Variants in PUDP observed in about 807,000 individuals in gnomAD.
PUDP encodes the protein pseudouridine 5'-phosphatase, also known as pseudouridine-5'-phosphatase.
In PUDP, 8 loss-of-function variants were observed where a neutral mutation model predicts 9.4. The observed-to-expected ratio is 0.85, with a 90% CI of 0.50 to 1.53. The LOEUF (loss-of-function observed/expected upper bound fraction) is 1.53, where lower values mean the gene tolerates loss of function less well. Among genes scored for constraint, PUDP ranks in the 40% most tolerant of loss-of-function variants. PUDP has a pLI of 0.00. For synonymous variants in PUDP, 99 were observed against 80.7 expected, an observed-to-expected ratio of 1.23 and a Z score of -1.22; for missense variants, 188 against 189.7, an observed-to-expected ratio of 0.99 and a Z score of 0.05.
intron 1 of PUDP, among the ~76,000 whole-genome samples, chrX:7,123,068 A>C (rs927755143): frequency 5.3e-5 from 6 of 112,293 alleles, no homozygotes; most frequent in Non-Finnish European, 7.5e-5. Context: ...AATCGTGCTA[A>C]GTTACCTTAA....
chrX:6,830,160 A>G (rs976449058), intron 3 of PUDP, among the ~76,000 whole-genome samples: 1 of 110,425 alleles, frequency 9.1e-6, no homozygotes, highest in Admixed American at 9.8e-5. Context: ...TCAGGCCTAG[A>G]TAAGTCTCTC....
At chrX:7,024,000 T>G (rs1929670079) in intron 1 of PUDP, among the ~76,000 whole-genome samples, 2 of 112,108 alleles carry the variant, frequency 1.8e-5, no homozygotes, top group Admixed American at 9.5e-5. Flanking sequence ...TGATTCTTCA[T>G]TGCTAGTATA....
chrX:6,754,852 C>T (rs1239824564), intron 3 of PUDP, among the ~76,000 whole-genome samples: 1 of 111,307 alleles, frequency 9.0e-6, no homozygotes, highest in Non-Finnish European at 1.9e-5. Flanking sequence ...ACATCTAAAT[C>T]ACCTAACAGA....
intron 1 of PUDP, among the ~76,000 whole-genome samples, chrX:7,025,724 T>TA (rs763825510): frequency 8.9e-6 from 1 of 112,095 alleles, no homozygotes; most frequent in Non-Finnish European, 1.9e-5. Flanking sequence ...CTTCCTTATT[T>TA]AAAAAAGGTA....
At chrX:6,839,349 T>C (rs1341046332) in intron 3 of PUDP, among the ~76,000 whole-genome samples, 1 of 111,484 alleles carries the variant, frequency 9.0e-6, no homozygotes, top group South Asian at 3.8e-4. Flanking sequence ...CTTTTTCCTA[T>C]ATTTTTGGAC....
chrX:6,894,217 C>A (rs1467646967), intron 3 of PUDP, among the ~76,000 whole-genome samples: 2 of 111,129 alleles, frequency 1.8e-5, no homozygotes, highest in Non-Finnish European at 3.8e-5. Flanking sequence ...ACCTATGTAA[C>A]AAACCTGCAC....
intron 3 of PUDP, among the ~76,000 whole-genome samples, chrX:6,871,382 G>A (rs904402781): frequency 5.4e-5 from 6 of 111,617 alleles, no homozygotes; most frequent in African/African-American, 9.8e-5. Context: ...GTGAGGCTGG[G>A]AATCTATTAA....
chrX:6,940,809 T>G (rs73629013), intron 3 of PUDP, among the ~76,000 whole-genome samples: 3,541 of 111,730 alleles, frequency 0.032, 139 homozygotes, highest in African/African-American at 0.11. Flanking sequence ...TGTTGACTCC[T>G]AAGTGCAGTG....
intron 1 of PUDP, among the ~76,000 whole-genome samples, chrX:7,136,428 G>C (rs1349972896): frequency 4.5e-5 from 5 of 111,925 alleles, no homozygotes; most frequent in African/African-American, 1.6e-4. Context: ...TTCGTCTCCT[G>C]CATGATTACT....
intron 1 of PUDP, among the ~76,000 whole-genome samples, chrX:6,710,764 G>C (rs1924522449): frequency 8.9e-6 from 1 of 111,821 alleles, no homozygotes; most frequent in African/African-American, 3.2e-5. Context: ...GTGTGCCAAA[G>C]GTCTGGGGTT....
chrX:7,143,857 C>T (rs1188834562), intron 1 of PUDP, among the ~76,000 whole-genome samples: 4 of 111,870 alleles, frequency 3.6e-5, no homozygotes, highest in African/African-American at 1.3e-4. Context: ...CAAGCCCTCA[C>T]ACTGGCCTCC....
At chrX:6,710,273 A>G (rs1364478643) in intron 1 of PUDP, among the ~76,000 whole-genome samples, 1 of 112,424 alleles carries the variant, frequency 8.9e-6, no homozygotes, top group African/African-American at 3.2e-5. Context: ...GACCAATTCA[A>G]GACAGACTCA....
chrX:6,797,096 T>C (rs1415672001), intron 3 of PUDP, among the ~76,000 whole-genome samples: 3 of 112,173 alleles, frequency 2.7e-5, no homozygotes, highest in Non-Finnish European at 5.6e-5. Flanking sequence ...AAGAAACTGA[T>C]AAATTAAGAG....
intron 3 of PUDP, among the ~76,000 whole-genome samples, chrX:6,789,758 CAGAT>C (rs1175599282): frequency 4.1e-5 from 4 of 97,848 alleles, no homozygotes; most frequent in Admixed American, 2.4e-4. Flanking sequence ...CCTAGGTAGG[CAGAT>C]AGATAGGTAG....
chrX:7,111,043 T>C (rs183995119), intron 1 of PUDP, among the ~76,000 whole-genome samples: 204 of 110,797 alleles, frequency 1.8e-3, no homozygotes, highest in African/African-American at 6.3e-3. Flanking sequence ...AGGGAGGTGA[T>C]TGGATCGTTG....
intron 3 of PUDP, among the ~76,000 whole-genome samples, chrX:6,777,985 G>A (rs1193381167): frequency 9.0e-6 from 1 of 111,726 alleles, no homozygotes; most frequent in African/African-American, 3.3e-5. Flanking sequence ...TAATAGCTTC[G>A]AAAGATACCT....
chrX:6,919,769 G>T (rs1569123489), intron 3 of PUDP, among the ~76,000 whole-genome samples: 1 of 99,133 alleles, frequency 1.0e-5, no homozygotes, highest in Non-Finnish European at 2.0e-5. Flanking sequence ...TGAGGCAGGA[G>T]AATCGCTTGA....
chrX:6,737,671 C>A (rs764437811), intron 3 of PUDP, among the ~76,000 whole-genome samples: 1 of 110,624 alleles, frequency 9.0e-6, no homozygotes, highest in East Asian at 2.9e-4. Flanking sequence ...CATGTCACTG[C>A]AAGGTTCTCA....
At chrX:7,008,055 C>T (rs995100850) in intron 1 of PUDP, among the ~76,000 whole-genome samples, 10 of 110,104 alleles carry the variant, frequency 9.1e-5, no homozygotes, top group Non-Finnish European at 1.7e-4. Context: ...GCTCCACTTC[C>T]TGGGTTCACA....
Sources: gnomAD v4.1 joint callset for allele counts (sites outside exome capture counted in the v4.1 genomes callset) on GRCh38, gnomAD v4.1.1 for gene constraint, MANE v1.5 for transcripts, NCBI Gene and HGNC (gene_info 2026-07-23, HGNC 2026-07-21) for gene names.